The following FARP2 variants were observed in gnomAD, a reference collection of about 807,000 sequenced individuals.
FARP2 encodes FERM, ARHGEF and pleckstrin domain-containing protein 2.
In FARP2, 111 loss-of-function variants were observed where a neutral mutation model predicts 130.5. The ratio of observed to expected loss-of-function variants is 0.85; its 90% CI spans 0.73 to 1.00. FARP2 has a LOEUF of 1.00. Among genes scored for constraint, FARP2 ranks in the 50% least tolerant of loss-of-function variants. FARP2 has a pLI of 0.00. For missense variants in FARP2, 1,385 were observed against 1,346.3 expected, an observed-to-expected ratio of 1.03 and a Z score of -0.45; for synonymous variants, 504 against 516.9, an observed-to-expected ratio of 0.98 and a Z score of 0.34.
chr2:241,389,664 T>C (rs544800542), intron 2 of FARP2, among the ~76,000 whole-genome samples: 13 of 152,364 alleles, frequency 8.5e-5, no homozygotes, highest in African/African-American at 3.1e-4. Flanking sequence ...ATAACAGTTG[T>C]CTTTCCTTCT....
Position 241,409,223 on chromosome 2 carries a change from G to A in FARP2, c.410+1608G>A, listed in dbSNP as rs908620931. 1.6e-3 allele frequency among the ~76,000 whole-genome samples: 244 copies of A among 152,162 alleles called. 2 individuals are homozygous for A. The highest frequency in any genetic ancestry group is 5.9e-4 in the Non-Finnish European group (40 of 67,988). On this transcript the variant is annotated intron_variant, in intron 5 of 26. Transcript: ENST00000264042. ...GATTCTTTTTTCTGTTTATAAAAAT[G>A]TACATGTTTGTGGTAAAAGAATTTT...
intron 2 of FARP2, among the ~76,000 whole-genome samples, chr2:241,377,442 C>T (rs951230378): frequency 2.6e-5 from 4 of 151,830 alleles, no homozygotes; most frequent in East Asian, 3.9e-4. Context: ...CCTGGGTTCA[C>T]GCCATTCTCC....
chr2:241,368,583 G>A (rs1174258653), intron 1 of FARP2, among the ~76,000 whole-genome samples: 4 of 152,066 alleles, frequency 2.6e-5, no homozygotes, highest in African/African-American at 7.3e-5. Context: ...CTTTGACACC[G>A]AGGTTAACCG....
intron 14 of FARP2, among the ~76,000 whole-genome samples, chr2:241,462,202 C>T (rs1239766455): frequency 1.3e-5 from 2 of 152,214 alleles, no homozygotes; most frequent in Non-Finnish European, 2.9e-5. Context: ...TTTATAAGCA[C>T]ACACACACTC....
intron 1 of FARP2, among the ~76,000 whole-genome samples, chr2:241,366,098 AAAAAAAATATAT>A (rs2061297993): frequency 4.5e-3 from 2 of 444 alleles, no homozygotes; most frequent in South Asian, 0.083. Context: ...CTACTAAAAA[AAAAAAAATATAT>A]ATATATATAT....
At chr2:241,465,792 C>T in intron 17 of FARP2, 1 of 1,549,968 alleles carries the variant, frequency 6.5e-7, no homozygotes, top group Admixed American at 2.0e-5. Flanking sequence ...TCGCCTGTCC[C>T]ACCTTCTACC....
intron 6 of FARP2, 51 bp from the exon 7 acceptor site, chr2:241,413,256 A>C: frequency 8.6e-7 from 1 of 1,166,942 alleles, no homozygotes; most frequent in Non-Finnish European, 1.2e-6. Context: ...GACACATACA[A>C]ATGCTTGTAG....
intron 14 of FARP2, among the ~76,000 whole-genome samples, chr2:241,460,103 C>G (rs7585107): frequency 0.2 from 29,864 of 152,156 alleles, 3,151 homozygotes; most frequent in Middle Eastern, 0.26. Flanking sequence ...TGTCCTCCCT[C>G]TACCAGACTC....
Position 241,483,506 on chromosome 2 carries a change from G to A in FARP2, c.2304G>A (p.Lys768=). ...GCTGCCTTCACAAGCTCACCAAGAA[G>A]GGCCTGCAGCAGAGGATGTTTTTTC... ...REGCLHKLTK[K]GLQQRMFFLF... The change falls in exon 20 of 27, where the codon AAG becomes AAA. Residue 768 remains lysine (K), a synonymous_variant. Coordinates refer to ENST00000264042, the MANE Select transcript of FARP2 (RefSeq NM_014808.4). The A allele has an allele frequency of 6.2e-7, 1 of 1,614,244 alleles. No individual in the cohort carries two copies. The highest frequency in any genetic ancestry group is 8.5e-7 in the Non-Finnish European group (1 of 1,180,022).
chr2:241,442,554 A>G, intron 13 of FARP2: 1 of 442,308 alleles, frequency 2.3e-6, no homozygotes, highest in South Asian at 1.6e-5. Flanking sequence ...TTCCTTTACA[A>G]GGCAACCCAC....
At chr2:241,359,510 T>C (rs945016034) in intron 1 of FARP2, among the ~76,000 whole-genome samples, 1 of 152,170 alleles carries the variant, frequency 6.6e-6, no homozygotes, top group African/African-American at 2.4e-5. Context: ...AGCCCAACTA[T>C]ACTCATCCTT....
chr2:241,384,201 G>A (rs62193210), intron 2 of FARP2, among the ~76,000 whole-genome samples: 16,766 of 152,030 alleles, frequency 0.11, 1,183 homozygotes, highest in Non-Finnish European at 0.15. Context: ...GAGAAATTTA[G>A]ACTGGTCATT....
chr2:241,483,624 G>C lies in FARP2; in HGVS notation c.2331+91G>C, dbSNP rs1285778947. On this transcript the variant is annotated intron_variant, in intron 20 of 26. Coordinates refer to ENST00000264042, the MANE Select transcript of FARP2 (RefSeq NM_014808.4). ...ACATCGCCTGCAGCGGCAGCCCATT[G>C]GCCTCTGGGTAGTTTAGCACTTGGA... 4 of 1,407,030 alleles carry C rather than the reference G, an allele frequency of 2.8e-6. No homozygotes were observed. The African/African-American group carries it at 5.6e-5, about 20-fold the overall frequency. 87.2% of individuals were successfully genotyped at this position (1,407,030 alleles called of 1,614,324 possible). A position where few individuals can be genotyped will look rare whatever the true frequency, so the allele number is the denominator to read the frequency against.
intron 2 of FARP2, among the ~76,000 whole-genome samples, chr2:241,387,991 A>AG (rs2061827918): frequency 6.6e-6 from 1 of 152,216 alleles, no homozygotes; most frequent in Non-Finnish European, 1.5e-5. Context: ...TAAGATGGCA[A>AG]TACTCTCAAA....
intron 11 of FARP2, 114 bp from the exon 12 acceptor site, chr2:241,436,367 G>A: frequency 1.2e-6 from 1 of 861,026 alleles, no homozygotes; most frequent in Non-Finnish European, 2.0e-6. Context: ...ATACCTCTTA[G>A]CTACATTTTC....
In FARP2 at chr2:241,434,217, C is replaced by G. The variant is rs771838175; in HGVS notation, c.927C>G (p.Phe309Leu). ...LLGSRDECKN[F>L]WKICVEYHTF... The stretch of plus-strand genomic sequence containing the variant: ...GTAGTAGAGATGAATGTAAGAACTT[C>G]TGGAAGATTTGTGTGGAGTATCACA... Residue 309 changes from phenylalanine (F) to leucine (L), a missense_variant, in exon 10 of 27, where the codon TTC becomes TTG. By Grantham distance (22) the Phe-to-Leu change is conservative. Transcript: ENST00000264042. 3.1e-6 allele frequency: 5 copies of G among 1,613,858 alleles called. No homozygotes were observed. The Admixed American group carries it at 8.3e-5, about 27-fold the overall frequency.
At chr2:241,366,122 C>CGTATATATATATACGT (rs1559702109) in intron 1 of FARP2, among the ~76,000 whole-genome samples, 8 of 63,718 alleles carry the variant, frequency 1.3e-4, no homozygotes, top group African/African-American at 1.7e-4. Context: ...TATATATATA[C>CGTATATATATATACGT]GTATATATAT....
At position 241,441,681 on chromosome 2, in the gene FARP2, C is replaced by G. The variant is rs1368713522; in HGVS notation, c.1411+125C>G. ...AGCTCAGCGCTGCTTGTAAAAATGA[C>G]AATGGTGGGGATGACTTTACCACAG... is the stretch of plus-strand genomic sequence containing the variant. On this transcript the variant is annotated intron_variant, in intron 13 of 26. Coordinates refer to ENST00000264042, the MANE Select transcript of FARP2 (RefSeq NM_014808.4). 2.2e-6 allele frequency: 3 copies of G among 1,359,638 alleles called. No individual in the cohort carries two copies. The African/African-American group carries it at 4.3e-5, about 19-fold the overall frequency. The allele number at this position is 1,359,638 out of a possible 1,614,324, so 84.2% of individuals were successfully genotyped here.
intron 1 of FARP2, among the ~76,000 whole-genome samples, chr2:241,366,577 G>C (rs2150289765): frequency 6.6e-6 from 1 of 152,192 alleles, no homozygotes; most frequent in Non-Finnish European, 1.5e-5. Context: ...GTCTGAAAGT[G>C]ATCTTCCTTT....
Sources: gnomAD v4.1 joint callset for allele counts (sites outside exome capture counted in the v4.1 genomes callset) on GRCh38, gnomAD v4.1.1 for gene constraint, MANE v1.5 for transcripts, NCBI Gene and HGNC (gene_info 2026-07-23, HGNC 2026-07-21) for gene names.